Variants in PELI2 observed in about 807,000 individuals in gnomAD.
PELI2 encodes pellino E3 ubiquitin protein ligase family member 2, also known as E3 ubiquitin-protein ligase pellino homolog 2.
Under a neutral mutation model 42.3 loss-of-function variants are expected in PELI2, and 23 were observed. The ratio of observed to expected loss-of-function variants is 0.54; its 90% CI spans 0.39 to 0.77. The LOEUF is 0.77. Ranked by LOEUF, PELI2 falls within the 30% of genes least tolerant of loss-of-function variation. The pLI, the probability that PELI2 is intolerant of heterozygous loss-of-function variation, is 0.00. For synonymous variants in PELI2, 245 were observed against 212.2 expected (o/e 1.15, Z -1.34); for missense variants, 463 against 553.2 (o/e 0.84, Z 1.64).
At position 56,190,119 on chromosome 14, in the gene PELI2, A is replaced by T. The variant is rs186700247; in HGVS notation, c.207+11655A>T. Among the ~76,000 whole-genome samples the T allele has an allele frequency of 2.8e-3, 428 of 151,970 alleles. 1 individual carries two copies. Among genetic ancestry groups the T allele is most frequent in the Non-Finnish European group, 4.1e-3 (278 of 67,986 alleles). On this transcript the variant is annotated intron_variant, in intron 2 of 5. Transcript: ENST00000267460. ...AGGTTTCATATGAATAGTTATATTT[A>T]AAAAAAATCTCTTCAAGTCATTCTG...
intron 2 of PELI2, among the ~76,000 whole-genome samples, chr14:56,216,779 T>C (rs538997441): frequency 5.3e-5 from 8 of 152,330 alleles, no homozygotes; most frequent in African/African-American, 1.9e-4. Context: ...CTGGCTCCCC[T>C]GAAAAAGCTA....
chr14:56,229,792 A>G (rs6573088), intron 2 of PELI2, among the ~76,000 whole-genome samples: 3,484 of 152,306 alleles, frequency 0.023, 138 homozygotes, highest in African/African-American at 0.08. Flanking sequence ...CGGTAATAAT[A>G]AACTTCTCTG....
At chr14:56,263,855 G>A (rs901564673) in intron 2 of PELI2, among the ~76,000 whole-genome samples, 4 of 151,532 alleles carry the variant, frequency 2.6e-5, no homozygotes, top group African/African-American at 9.7e-5. Flanking sequence ...ATAAAATACA[G>A]GTAAGGCAAA....
chr14:56,149,734 G>T (rs1884266680), intron 1 of PELI2, among the ~76,000 whole-genome samples: 1 of 151,928 alleles, frequency 6.6e-6, no homozygotes, highest in Non-Finnish European at 1.5e-5. Context: ...CAGCATCTCT[G>T]AAAAATATCT....
At chr14:56,272,856 C>A (rs747729486) in intron 2 of PELI2, among the ~76,000 whole-genome samples, 2 of 152,154 alleles carry the variant, frequency 1.3e-5, no homozygotes, top group African/African-American at 2.4e-5. Context: ...ATGGTAGACA[C>A]ACCTGTTCCG....
chr14:56,171,132 G>T (rs1814785711), intron 1 of PELI2, among the ~76,000 whole-genome samples: 1 of 152,158 alleles, frequency 6.6e-6, no homozygotes, highest in Non-Finnish European at 1.5e-5. Flanking sequence ...ACAAAAGATG[G>T]TTGCTATGGT....
At chr14:56,227,753 A>AC (rs1377354982) in intron 2 of PELI2, among the ~76,000 whole-genome samples, 2 of 152,218 alleles carry the variant, frequency 1.3e-5, no homozygotes, top group African/African-American at 4.8e-5. Context: ...TGGAGAACTG[A>AC]CCAATTCCAG....
chr14:56,163,471 T>C (rs1884840104), intron 1 of PELI2, among the ~76,000 whole-genome samples: 1 of 152,174 alleles, frequency 6.6e-6, no homozygotes, highest in Admixed American at 6.5e-5. Context: ...TTTTGGTTAT[T>C]GTACCTCTGT....
intron 1 of PELI2, among the ~76,000 whole-genome samples, chr14:56,120,357 T>C (rs1883016583): frequency 6.6e-6 from 1 of 152,198 alleles, no homozygotes; most frequent in Non-Finnish European, 1.5e-5. Context: ...TTTGAGGAAA[T>C]CATTGTTGAG....
intron 1 of PELI2, among the ~76,000 whole-genome samples, chr14:56,149,854 T>C (rs1884271997): frequency 6.6e-6 from 1 of 152,186 alleles, no homozygotes; most frequent in African/African-American, 2.4e-5. Flanking sequence ...GTTAAGGACG[T>C]TTAATGTCTT....
chr14:56,238,341 G>A (rs990570957), intron 2 of PELI2, among the ~76,000 whole-genome samples: 1 of 152,172 alleles, frequency 6.6e-6, no homozygotes, highest in African/African-American at 2.4e-5. Flanking sequence ...AACATTTGAT[G>A]TCAATTGCTG....
At position 56,298,135 on chromosome 14, in the gene PELI2, C is replaced by G. The variant is rs1236189475; in HGVS notation, c.*969C>G. On this transcript the variant is annotated 3_prime_UTR_variant, in exon 6 of 6. Transcript: ENST00000267460. ...TTTTTCCTTTGTTAAGAAAGCCAAC[C>G]AATCACAATGATATAGTCATTGTTG... is the stretch of plus-strand genomic sequence containing the variant. 2.6e-5 allele frequency: 4 copies of G among 152,116 alleles called. No individual in the cohort carries two copies. In the East Asian group the frequency reaches 7.7e-4, roughly 29 times the overall value. 9.4% of individuals were successfully genotyped at this position (152,116 alleles called of 1,614,324 possible).
At chr14:56,125,411 T>C (rs879289870) in intron 1 of PELI2, among the ~76,000 whole-genome samples, 2 of 68,110 alleles carry the variant, frequency 2.9e-5, no homozygotes, top group Admixed American at 1.7e-4. Context: ...AGTTATTGGG[T>C]GGGCAGGGGG....
At chr14:56,143,733 G>C (rs1884000328) in intron 1 of PELI2, among the ~76,000 whole-genome samples, 1 of 152,232 alleles carries the variant, frequency 6.6e-6, no homozygotes, top group Non-Finnish European at 1.5e-5. Context: ...TTTGGCCATT[G>C]TTGAGTTTCA....
intron 1 of PELI2, among the ~76,000 whole-genome samples, chr14:56,167,078 C>A (rs192942335): frequency 6.6e-6 from 1 of 152,100 alleles, no homozygotes; most frequent in South Asian, 2.1e-4. Context: ...CGTGAGCCAC[C>A]GCGCCTGGCC....
intron 2 of PELI2, among the ~76,000 whole-genome samples, chr14:56,207,749 C>T (rs905131239): frequency 2.0e-5 from 3 of 152,170 alleles, no homozygotes; most frequent in Non-Finnish European, 4.4e-5. Context: ...ACTGTAAAGA[C>T]AGCCGAGGCT....
intron 2 of PELI2, among the ~76,000 whole-genome samples, chr14:56,275,919 A>G (rs986942712): frequency 3.3e-5 from 5 of 152,202 alleles, no homozygotes; most frequent in African/African-American, 1.2e-4. Flanking sequence ...AGTGAATGCC[A>G]AGAAAAGACC....
rs1887116853 is a variant in PELI2 at position 56,221,109 on chromosome 14, A to G, written c.207+42645A>G. Among the ~76,000 whole-genome samples the G allele has an allele frequency of 2.0e-5, 3 of 152,178 alleles. No homozygotes were observed. The South Asian group carries it at 6.2e-4, about 31-fold the overall frequency. The stretch of plus-strand genomic sequence containing the variant: ...ATGCTTTCTAGAAAGCCGAAGTTGC[A>G]TTTCATAGACTGCACCAGAGGCTGT... On this transcript the variant is annotated intron_variant, in intron 2 of 5. Transcript: ENST00000267460.
At chr14:56,160,984 G>T (rs35421243) in intron 1 of PELI2, among the ~76,000 whole-genome samples, 31,116 of 151,986 alleles carry the variant, frequency 0.2, 3,912 homozygotes, top group Non-Finnish European at 0.27. Context: ...CCCCTCCTCT[G>T]TTTTAAGGTT....
Sources: gnomAD v4.1 joint callset for allele counts (sites outside exome capture counted in the v4.1 genomes callset) on GRCh38, gnomAD v4.1.1 for gene constraint, MANE v1.5 for transcripts, NCBI Gene and HGNC (gene_info 2026-07-23, HGNC 2026-07-21) for gene names.